The following NLGN1 variants were observed in gnomAD, a reference collection of about 807,000 sequenced individuals.
The protein encoded by NLGN1 is neuroligin-1.
In NLGN1, 12 loss-of-function variants were observed where a neutral mutation model predicts 65.5. The observed-to-expected ratio is 0.18, with a 90% CI of 0.12 to 0.30. The LOEUF is 0.30. Among genes scored for constraint, NLGN1 ranks in the 10% least tolerant of loss-of-function variants. NLGN1 has a pLI of 1.00. For missense variants in NLGN1, 750 were observed against 1,007.1 expected, an observed-to-expected ratio of 0.74 and a Z score of 3.46; for synonymous variants, 350 against 359.5, an observed-to-expected ratio of 0.97 and a Z score of 0.30.
intron 4 of NLGN1, among the ~76,000 whole-genome samples, chr3:174,058,991 C>T (rs1163686687): frequency 6.6e-6 from 1 of 152,250 alleles, no homozygotes; most frequent in Middle Eastern, 3.4e-3. Flanking sequence ...ATAATCTGAT[C>T]TACAAATACA....
intron 4 of NLGN1, among the ~76,000 whole-genome samples, chr3:174,183,922 G>T (rs561103066): frequency 6.6e-6 from 1 of 152,270 alleles, no homozygotes; most frequent in South Asian, 2.1e-4. Flanking sequence ...AGATGGCATG[G>T]CTGTGCTTAC....
chr3:173,857,020 TAAAA>T (rs59155869), intron 4 of NLGN1, among the ~76,000 whole-genome samples: 2 of 139,908 alleles, frequency 1.4e-5, no homozygotes, highest in African/African-American at 2.7e-5. Flanking sequence ...AGGCGTTAGA[TAAAA>T]AAAAAAAAAA....
At chr3:173,876,071 C>T (rs530053279) in intron 4 of NLGN1, among the ~76,000 whole-genome samples, 4 of 152,070 alleles carry the variant, frequency 2.6e-5, no homozygotes, top group African/African-American at 9.6e-5. Flanking sequence ...CTAAGTATAG[C>T]AGTAGTGATA....
chr3:173,990,487 T>C (rs960821850), intron 4 of NLGN1, among the ~76,000 whole-genome samples: 1 of 152,198 alleles, frequency 6.6e-6, no homozygotes, highest in East Asian at 1.9e-4. Context: ...AAATTTTATA[T>C]TACTATATCA....
intron 2 of NLGN1, among the ~76,000 whole-genome samples, chr3:173,440,923 T>C (rs759208740): frequency 1.3e-5 from 2 of 152,222 alleles, no homozygotes; most frequent in Non-Finnish European, 2.9e-5. Context: ...CTTCTTCTAA[T>C]AGAAGGCTGT....
chr3:174,043,148 T>A (rs2152491923), intron 4 of NLGN1, among the ~76,000 whole-genome samples: 1 of 152,250 alleles, frequency 6.6e-6, no homozygotes, highest in African/African-American at 2.4e-5. Flanking sequence ...TTTCCCATGA[T>A]TCAGTTACCT....
intron 4 of NLGN1, among the ~76,000 whole-genome samples, chr3:174,124,514 T>C (rs937839633): frequency 4.8e-4 from 71 of 148,364 alleles, no homozygotes; most frequent in African/African-American, 1.7e-3. Flanking sequence ...TATATAAGTA[T>C]ATATACATAT....
chr3:174,176,560 C>T (rs1577225058), intron 4 of NLGN1, among the ~76,000 whole-genome samples: 1 of 151,840 alleles, frequency 6.6e-6, no homozygotes, highest in South Asian at 2.1e-4. Context: ...TTTAGCTTAG[C>T]GCTTCAGTTC....
intron 4 of NLGN1, among the ~76,000 whole-genome samples, chr3:174,258,393 T>C (rs1291252405): frequency 2.0e-5 from 3 of 152,188 alleles, no homozygotes; most frequent in Non-Finnish European, 4.4e-5. Flanking sequence ...AATGATAACA[T>C]TAAATTTTCT....
intron 4 of NLGN1, among the ~76,000 whole-genome samples, chr3:173,876,385 A>C (rs1190329078): frequency 1.3e-5 from 2 of 152,214 alleles, no homozygotes; most frequent in African/African-American, 4.8e-5. Context: ...AATTCTAATT[A>C]ATTAAAATAA....
Position 173,991,603 on chromosome 3 carries a change from G to C in NLGN1, c.646+183771G>C, listed in dbSNP as rs534285909. 3.3e-5 allele frequency among the ~76,000 whole-genome samples: 5 copies of C among 152,246 alleles called. No individual in the cohort carries two copies. In the South Asian group the frequency reaches 1.0e-3, roughly 32 times the overall value. On this transcript the variant is annotated intron_variant, in intron 4 of 6. Coordinates refer to ENST00000457714, the Ensembl canonical transcript of NLGN1. ...AAGTTTTAATTAATTTAAATTTAAA[G>C]AGTCATATCTGGCTTGTTCTACTAT...
intron 4 of NLGN1, among the ~76,000 whole-genome samples, chr3:173,875,127 G>A (rs938910235): frequency 2.0e-5 from 3 of 152,160 alleles, no homozygotes; most frequent in Admixed American, 6.5e-5. Context: ...TTCACTTCCT[G>A]TCAGACTTTG....
chr3:174,191,676 CA>C lies in NLGN1; in HGVS notation c.647-83635del, dbSNP rs529167874. Among the ~76,000 whole-genome samples, 12 of 152,270 alleles carry C rather than the reference CA, an allele frequency of 7.9e-5. No individual in the cohort carries two copies. In the East Asian group the frequency reaches 1.7e-3, roughly 22 times the overall value. On this transcript the variant is annotated intron_variant, in intron 4 of 6. Coordinates refer to ENST00000457714, the Ensembl canonical transcript of NLGN1. ...CTGCTAACAGGTGTCATCTGCTTTGCAAAATTACAGTTTCCACAAAGCACCA... is the reference window on the plus strand; with the variant it reads ...CTGCTAACAGGTGTCATCTGCTTTGCAAATTACAGTTTCCACAAAGCACCA...
chr3:174,008,126 C>T (rs1406599541), intron 4 of NLGN1, among the ~76,000 whole-genome samples: 1 of 152,118 alleles, frequency 6.6e-6, no homozygotes, highest in African/African-American at 2.4e-5. Flanking sequence ...TATATTCTTG[C>T]AACAGCAAAG....
At chr3:173,663,804 T>C (rs1387180909) in intron 3 of NLGN1, among the ~76,000 whole-genome samples, 3 of 151,872 alleles carry the variant, frequency 2.0e-5, no homozygotes, top group East Asian at 3.9e-4. Context: ...TTCACAGATA[T>C]CTGAAAGTCA....
At chr3:174,155,781 G>A (rs1040483959) in intron 4 of NLGN1, among the ~76,000 whole-genome samples, 1 of 151,922 alleles carries the variant, frequency 6.6e-6, no homozygotes, top group African/African-American at 2.4e-5. Context: ...ACTGGAGTGT[G>A]TATATGCTAA....
intron 4 of NLGN1, among the ~76,000 whole-genome samples, chr3:174,061,439 A>G (rs950429958): frequency 6.6e-6 from 1 of 152,142 alleles, no homozygotes; most frequent in South Asian, 2.1e-4. Context: ...TGCACTGTAG[A>G]TAGACCAGCC....
chr3:173,720,286 G>A (rs965703543), intron 3 of NLGN1, among the ~76,000 whole-genome samples: 5 of 152,160 alleles, frequency 3.3e-5, no homozygotes, highest in African/African-American at 9.6e-5. Flanking sequence ...GGGTGCCGGC[G>A]GGGTGAGAAT....
intron 4 of NLGN1, among the ~76,000 whole-genome samples, chr3:173,993,140 G>A (rs1221573332): frequency 6.6e-6 from 1 of 152,160 alleles, no homozygotes. Flanking sequence ...CCGGGACACA[G>A]TTTAATACTC....
Sources: allele counts gnomAD v4.1 joint callset (sites outside exome capture counted in the v4.1 genomes callset), GRCh38; gene constraint gnomAD v4.1.1; transcripts MANE v1.5; gene names NCBI Gene and HGNC (gene_info 2026-07-23, HGNC 2026-07-21).